Variants in SLC24A2 observed in about 807,000 individuals in gnomAD.
SLC24A2 encodes the protein sodium/potassium/calcium exchanger 2.
A neutral mutation model predicts 62.0 loss-of-function variants in SLC24A2; 36 were observed. That is an observed-to-expected ratio of 0.58 (90% confidence interval 0.44 to 0.77). The LOEUF is 0.77. Among genes scored for constraint, SLC24A2 ranks in the 30% least tolerant of loss-of-function variants. SLC24A2 has a pLI of 0.00. For synonymous variants in SLC24A2, 358 were observed against 294.0 expected, an observed-to-expected ratio of 1.22 and a Z score of -2.23; for missense variants, 846 against 817.9, an observed-to-expected ratio of 1.03 and a Z score of -0.42.
At chr9:20,144,131 A>G in the SLC24A2 span, among the ~76,000 whole-genome samples, 1 of 152,116 alleles carries the variant, frequency 6.6e-6, no homozygotes, top group Non-Finnish European at 1.5e-5. Context: ...AAAAGAAGAA[A>G]CCCTTTGTTC....
intron 6 of SLC24A2, 22 bp downstream of exon 6, chr9:19,576,902 G>C (rs377096474): frequency 6.4e-7 from 1 of 1,569,648 alleles, no homozygotes; most frequent in African/African-American, 1.3e-5. Context: ...AAGGTATGGG[G>C]TGGATGTTTC....
At chr9:20,024,560 A>T in the SLC24A2 span, among the ~76,000 whole-genome samples, 1 of 152,184 alleles carries the variant, frequency 6.6e-6, no homozygotes, top group Admixed American at 6.5e-5. Flanking sequence ...TACCTGTGGC[A>T]TTGGGAACGT....
chr9:19,786,553 T>C lies in SLC24A2; in HGVS notation c.314A>G (p.Lys105Arg), dbSNP rs1823178963. Residue 105 changes from lysine (K) to arginine (R), a missense_variant, in exon 2 of 11, where the codon AAG (lysine) becomes AGG (arginine). Physicochemically the swap from Lys to Arg is conservative, Grantham distance 26. Transcript: ENST00000341998. This position sits in a 1 kb window ranked among gnomAD's most constrained non-coding sequence, Gnocchi z 5.0. Reference protein sequence around the residue: ...LDYTPQPPLSKEGESENSTDH... With the variant: ...LDYTPQPPLSREGESENSTDH... ...TGTACTATTCTCAGACTCGCCTTCC[T>C]TAGAAAGAGGTGGCTGTGGAGTATA... 1 of 1,614,094 alleles carries C rather than the reference T, an allele frequency of 6.2e-7. No homozygotes were observed. Among genetic ancestry groups the C allele is most frequent in the Non-Finnish European group, 8.5e-7 (1 of 1,180,034 alleles).
chr9:19,551,080 C>G (rs1457349416), intron 7 of SLC24A2, among the ~76,000 whole-genome samples: 1 of 152,150 alleles, frequency 6.6e-6, no homozygotes, highest in Non-Finnish European at 1.5e-5. Context: ...TTTCTTCTAT[C>G]TAACTGTAAG....
intron 2 of SLC24A2, among the ~76,000 whole-genome samples, chr9:19,682,402 T>A (rs902374557): frequency 6.6e-6 from 1 of 152,118 alleles, no homozygotes; most frequent in Admixed American, 6.6e-5. Flanking sequence ...TGCTAATGGA[T>A]AGTAGCAGGA....
chr9:20,061,319 C>T, the SLC24A2 span, among the ~76,000 whole-genome samples: 1 of 151,090 alleles, frequency 6.6e-6, no homozygotes, highest in African/African-American at 2.4e-5. Context: ...GAGTCTCACT[C>T]TGTTGCCCAG....
the SLC24A2 span, among the ~76,000 whole-genome samples, chr9:20,034,554 C>A: frequency 1.8e-4 from 27 of 151,348 alleles, no homozygotes; most frequent in Non-Finnish European, 2.9e-4. Flanking sequence ...CTGCACCCCC[C>A]ACCCCGGGTT....
chr9:19,599,971 T>C lies in SLC24A2; in HGVS notation c.1079-2692A>G, dbSNP rs1249259313. 1.3e-5 allele frequency among the ~76,000 whole-genome samples: 2 copies of C among 152,162 alleles called. No homozygotes were observed. The highest frequency in any genetic ancestry group is 4.8e-5 in the African/African-American group (2 of 41,442). On this transcript the variant is annotated intron_variant, in intron 4 of 10. Coordinates refer to ENST00000341998, the MANE Select transcript of SLC24A2 (RefSeq NM_020344.4). The surrounding 1 kb of genome is among the most constrained non-coding windows in gnomAD (Gnocchi z 4.5). The stretch of plus-strand genomic sequence containing the variant: ...AAACTGGGGCTAATCCAAGGTTAGT[T>C]TTTTTGGGGATAGGAGGAAAGAAGT...
At chr9:20,134,130 C>T in the SLC24A2 span, among the ~76,000 whole-genome samples, 3 of 152,050 alleles carry the variant, frequency 2.0e-5, no homozygotes, top group Non-Finnish European at 4.4e-5. Context: ...TATGGAGAGC[C>T]AGAAAGATAC....
At chr9:19,720,589 C>G (rs1400774760) in intron 2 of SLC24A2, among the ~76,000 whole-genome samples, 1 of 151,998 alleles carries the variant, frequency 6.6e-6, no homozygotes, top group Admixed American at 6.6e-5. Context: ...CTGTAGCTGT[C>G]CATGGTGCTT....
chr9:19,959,466 C>T, the SLC24A2 span, among the ~76,000 whole-genome samples: 3 of 152,186 alleles, frequency 2.0e-5, no homozygotes, highest in Admixed American at 6.5e-5. Context: ...TATCACTTTA[C>T]TCTTCTAATA....
chr9:19,872,092 G>A, the SLC24A2 span, among the ~76,000 whole-genome samples: 1 of 152,140 alleles, frequency 6.6e-6, no homozygotes, highest in African/African-American at 2.4e-5. Context: ...CTAGGAGTCA[G>A]GTCCAATTGT....
chr9:19,514,994 T>C lies in SLC24A2; in HGVS notation c.*1159A>G, dbSNP rs1832870361. On this transcript the variant is annotated 3_prime_UTR_variant, in exon 11 of 11. Coordinates refer to ENST00000341998, the MANE Select transcript of SLC24A2 (RefSeq NM_020344.4). ...TAAAGAACTATGCCCTTACATCCCA[T>C]TAGGTGGCAAGGCCCACTAAGCACC... The C allele has an allele frequency of 2.0e-5, 3 of 152,212 alleles. No homozygotes were observed. Among genetic ancestry groups the C allele is most frequent in the Non-Finnish European group, 1.5e-5 (1 of 68,044 alleles). 9.4% of individuals were successfully genotyped at this position (152,212 alleles called of 1,614,324 possible). A position where few individuals can be genotyped will look rare whatever the true frequency, so the allele number is the denominator to read the frequency against.
the SLC24A2 span, among the ~76,000 whole-genome samples, chr9:20,247,224 C>T: frequency 6.6e-6 from 1 of 152,156 alleles, no homozygotes; most frequent in East Asian, 1.9e-4. Flanking sequence ...GACATCTCCA[C>T]CCACTAAAGA....
the SLC24A2 span, among the ~76,000 whole-genome samples, chr9:20,080,477 C>G: frequency 6.6e-6 from 1 of 152,070 alleles, no homozygotes; most frequent in East Asian, 1.9e-4. Context: ...AAAATTAATT[C>G]AAGATGGATT....
chr9:20,102,782 T>G, the SLC24A2 span, among the ~76,000 whole-genome samples: 6 of 150,932 alleles, frequency 4.0e-5, no homozygotes, highest in African/African-American at 1.2e-4. Flanking sequence ...AGAAGACGGG[T>G]GATTTCTGCA....
the SLC24A2 span, among the ~76,000 whole-genome samples, chr9:19,861,065 A>G: frequency 1.3e-5 from 2 of 152,194 alleles, no homozygotes; most frequent in Non-Finnish European, 2.9e-5. Flanking sequence ...TCCTGATTAT[A>G]GAGCCCCAGG....
At chr9:19,681,497 G>A (rs1296942371) in intron 2 of SLC24A2, among the ~76,000 whole-genome samples, 2 of 152,078 alleles carry the variant, frequency 1.3e-5, no homozygotes, top group Admixed American at 1.3e-4. Flanking sequence ...CACAAGGGCA[G>A]GGAACATTGT....
At position 19,711,768 on chromosome 9, in the gene SLC24A2, C is replaced by T. The variant is rs75681212; in HGVS notation, c.930+74169G>A. On this transcript the variant is annotated intron_variant, in intron 2 of 10. Transcript: ENST00000341998. Reference sequence around the variant, plus strand: ...ACAGAGTCACTGAGTAATACTCATACCTTAGAACAAAATCTCTGTTGTGTA... The same window carrying T: ...ACAGAGTCACTGAGTAATACTCATATCTTAGAACAAAATCTCTGTTGTGTA... 5.5e-3 allele frequency among the ~76,000 whole-genome samples: 841 copies of T among 152,176 alleles called. 8 individuals are homozygous for T. The highest frequency in any genetic ancestry group is 0.019 in the African/African-American group (795 of 41,518).
Sources: allele counts gnomAD v4.1 joint callset (sites outside exome capture counted in the v4.1 genomes callset), GRCh38; gene constraint gnomAD v4.1.1; non-coding constraint Gnocchi (gnomAD v3.1); transcripts MANE v1.5; gene names NCBI Gene and HGNC (gene_info 2026-07-23, HGNC 2026-07-21).